Variants in SLC45A2 observed in about 807,000 individuals in gnomAD.
SLC45A2 encodes membrane-associated transporter protein.
SLC45A2 carries 36 observed loss-of-function variants against 45.5 expected under a neutral mutation model. The ratio of observed to expected loss-of-function variants is 0.79; its 90% CI spans 0.61 to 1.04. SLC45A2 has a LOEUF of 1.04. SLC45A2 is among the 50% of genes least tolerant of loss of function. The pLI, the probability that SLC45A2 is intolerant of heterozygous loss-of-function variation, is 0.00. For missense variants in SLC45A2, 719 were observed against 671.0 expected (o/e 1.07, Z -0.79); for synonymous variants, 306 against 269.3 (o/e 1.14, Z -1.33).
rs925146266 is a variant in SLC45A2 at position 33,984,647 on chromosome 5, T to G, written c.-64A>C. 1.1e-5 allele frequency: 17 copies of G among 1,597,888 alleles called. No homozygotes were observed. The highest frequency in any genetic ancestry group is 2.7e-5 in the African/African-American group (2 of 74,794). Reference sequence around the variant, plus strand: ...TCCTGCGTGGTCCTAGGGTCTGTGTTTCAAACTGGATTTGACGTGGAGCCT... The same window carrying G: ...TCCTGCGTGGTCCTAGGGTCTGTGTGTCAAACTGGATTTGACGTGGAGCCT... On this transcript the variant is annotated 5_prime_UTR_variant, in exon 1 of 7. Coordinates refer to ENST00000296589, the MANE Select transcript of SLC45A2 (RefSeq NM_016180.5).
intron 2 of SLC45A2, among the ~76,000 whole-genome samples, chr5:33,976,414 C>T (rs375457369): frequency 5.3e-5 from 8 of 152,326 alleles, no homozygotes; most frequent in East Asian, 3.9e-4. Context: ...ATTCAAATAA[C>T]TAACATGGAA....
At position 33,954,472 on chromosome 5, in the gene SLC45A2, C is replaced by T. The variant is rs1752217037; in HGVS notation, c.921G>A (p.Leu307=). Residue 307 remains leucine, a synonymous_variant, in exon 4 of 7, where the codon CTG becomes CTA. Coordinates refer to ENST00000296589, the MANE Select transcript of SLC45A2 (RefSeq NM_016180.5). The stretch of plus-strand genomic sequence containing the variant: ...GAGGAGGCATGTTCACCAGTGCTCT[C>T]AGCAGTGACTTTAATGTCATTGCCC... ...TRRAMTLKSL[L]RALVNMPPHY... 2.5e-6 allele frequency: 4 copies of T among 1,614,050 alleles called. No individual in the cohort carries two copies. The highest frequency in any genetic ancestry group is 3.4e-6 in the Non-Finnish European group (4 of 1,180,006).
intron 2 of SLC45A2, among the ~76,000 whole-genome samples, chr5:33,966,795 A>T (rs996734641): frequency 1.3e-5 from 2 of 152,172 alleles, no homozygotes; most frequent in African/African-American, 4.8e-5. Flanking sequence ...TGAATTCAAA[A>T]ATTTTGGATG....
intron 6 of SLC45A2, chr5:33,945,961 T>C: frequency 1.0e-6 from 1 of 985,326 alleles, no homozygotes; most frequent in Non-Finnish European, 1.2e-6. Flanking sequence ...AGATAGTAAA[T>C]GGTAAAGGGA....
chr5:33,975,638 G>A (rs1022574606), intron 2 of SLC45A2, among the ~76,000 whole-genome samples: 2 of 152,164 alleles, frequency 1.3e-5, no homozygotes, highest in Admixed American at 1.3e-4. Context: ...TTATGTGATA[G>A]CTACCAGCTT....
chr5:33,962,444 A>C lies in SLC45A2; in HGVS notation c.888+1247T>G, dbSNP rs1251759690. ...AGAAAATAGACTGGCCAAGCCAACA[A>C]AAGAAGTTGACCTCACAGGAAGGTG... On this transcript the variant is annotated intron_variant, in intron 3 of 6. Coordinates refer to ENST00000296589, the MANE Select transcript of SLC45A2 (RefSeq NM_016180.5). Among the ~76,000 whole-genome samples, 4 of 152,258 alleles carry C rather than the reference A, an allele frequency of 2.6e-5. 1 individual carries two copies. The South Asian group carries it at 8.3e-4, about 32-fold the overall frequency.
intron 5 of SLC45A2, among the ~76,000 whole-genome samples, chr5:33,950,691 C>T (rs1467611726): frequency 6.6e-6 from 1 of 152,244 alleles, no homozygotes; most frequent in Non-Finnish European, 1.5e-5. Context: ...TCTCTTCCCA[C>T]TTCCTTCACC....
chr5:33,957,507 A>C (rs1294847535), intron 3 of SLC45A2, among the ~76,000 whole-genome samples: 2 of 152,228 alleles, frequency 1.3e-5, no homozygotes, highest in African/African-American at 2.4e-5. Context: ...ATTTTCTGAT[A>C]ATCAGTGTTA....
chr5:33,982,540 A>G, intron 1 of SLC45A2, 128 bp from the exon 2 acceptor site: 1 of 918,346 alleles, frequency 1.1e-6, no homozygotes, highest in East Asian at 2.7e-5. Context: ...TCCAAATAAA[A>G]ATAGCTTTAC....
Position 33,944,770 on chromosome 5 carries a change from C to A in SLC45A2, c.1471G>T (p.Gly491Ter). Residue 491 changes from glycine to a stop codon, truncating the protein, a stop_gained, in exon 7 of 7, where the codon GGA (glycine) becomes TGA (stop). Transcript: ENST00000296589. LOFTEE classifies it high-confidence loss of function. ...CMVQLAQILV[G>*]GGLGFLVNTA... is the part of the protein sequence containing the mutation. ...TTGACCAGAAAGCCCAGGCCACCTC[C>A]GACCAGGATCTGAGCCAGCTGCACC... is the stretch of plus-strand genomic sequence containing the variant. 6.2e-7 allele frequency: 1 copy of A among 1,614,212 alleles called. No homozygotes were observed. The highest frequency in any genetic ancestry group is 8.5e-7 in the Non-Finnish European group (1 of 1,180,038).
intron 3 of SLC45A2, among the ~76,000 whole-genome samples, chr5:33,957,244 G>T (rs1752301193): frequency 6.6e-6 from 1 of 152,002 alleles, no homozygotes; most frequent in South Asian, 2.1e-4. Context: ...TTTGGTAATT[G>T]GTCTTTCTTG....
chr5:33,968,712 G>A (rs888969501), intron 2 of SLC45A2, among the ~76,000 whole-genome samples: 1 of 152,156 alleles, frequency 6.6e-6, no homozygotes, highest in African/African-American at 2.4e-5. Context: ...AGGATGAAAG[G>A]AAACTCAAGA....
Position 33,947,457 on chromosome 5 carries a change from A to G in SLC45A2, c.1157-83T>C, listed in dbSNP as rs1751971939. The G allele has an allele frequency of 3.0e-5, 39 of 1,307,866 alleles. No homozygotes were observed. The South Asian group carries it at 4.7e-4, about 16-fold the overall frequency. 81.0% of individuals were successfully genotyped at this position (1,307,866 alleles called of 1,614,324 possible). On this transcript the variant is annotated intron_variant, in intron 5 of 6. Coordinates refer to ENST00000296589, the MANE Select transcript of SLC45A2 (RefSeq NM_016180.5). ...TTTCAGACAATCCTTTCTTCTGAAG[A>G]TTCACCTTTTTAGACATCCTTTGAT...
At chr5:33,979,204 A>C (rs1017994093) in intron 2 of SLC45A2, among the ~76,000 whole-genome samples, 6 of 152,246 alleles carry the variant, frequency 3.9e-5, no homozygotes, top group African/African-American at 1.4e-4. Context: ...CAATCAATAC[A>C]TGTAAGATGT....
rs558730320 is a variant in SLC45A2, at chr5:33,971,778, C to T, written c.563-7762G>A. ...AGTAGCTGGGATTACAGGCATGCAC[C>T]CCCATGCCTGGCTAATTTTTGTGTT... On this transcript the variant is annotated intron_variant, in intron 2 of 6. Coordinates refer to ENST00000296589, the MANE Select transcript of SLC45A2 (RefSeq NM_016180.5). 1.1e-3 allele frequency among the ~76,000 whole-genome samples: 173 copies of T among 152,224 alleles called. 1 individual carries two copies. Among genetic ancestry groups the T allele is most frequent in the African/African-American group, 4.0e-3 (168 of 41,522 alleles).
intron 3 of SLC45A2, among the ~76,000 whole-genome samples, chr5:33,955,335 A>G (rs528458253): frequency 6.6e-6 from 1 of 152,350 alleles, no homozygotes; most frequent in African/African-American, 2.4e-5. Context: ...CCAGATGAGA[A>G]TACAGCTCTG....
chr5:33,982,947 G>A lies in SLC45A2; in HGVS notation c.386-535C>T, dbSNP rs957198132. 2.0e-5 allele frequency among the ~76,000 whole-genome samples: 3 copies of A among 152,188 alleles called. No homozygotes were observed. In the East Asian group the frequency reaches 5.8e-4, roughly 29 times the overall value. ...CGCACTTCTGCACATACAGACACAC[G>A]TGTACAATGGTAGTCAAACGCAGTG... On this transcript the variant is annotated intron_variant, in intron 1 of 6. Coordinates refer to ENST00000296589, the MANE Select transcript of SLC45A2 (RefSeq NM_016180.5).
chr5:33,947,470 G>A (rs1166146960), intron 5 of SLC45A2, 96 bp from the exon 6 acceptor site: 30 of 1,167,044 alleles, frequency 2.6e-5, no homozygotes, highest in Middle Eastern at 2.0e-4. Context: ...CACCTTTTTA[G>A]ACATCCTTTG....
intron 2 of SLC45A2, among the ~76,000 whole-genome samples, chr5:33,964,780 T>C (rs1752556475): frequency 2.6e-5 from 4 of 152,196 alleles, no homozygotes; most frequent in South Asian, 2.1e-4. Context: ...TTATCTGATA[T>C]TTAAAATCCC....
Sources: allele counts gnomAD v4.1 joint callset (sites outside exome capture counted in the v4.1 genomes callset), GRCh38; gene constraint gnomAD v4.1.1; transcripts MANE v1.5; gene names NCBI Gene and HGNC (gene_info 2026-07-23, HGNC 2026-07-21).